NKAIN2: variants seen among roughly 807,000 people sequenced by gnomAD.
NKAIN2 encodes sodium/potassium-transporting ATPase subunit beta-1-interacting protein 2.
In NKAIN2, 14 loss-of-function variants were observed where a neutral mutation model predicts 32.6. The observed-to-expected ratio is 0.43, with a 90% confidence interval of 0.28 to 0.67. The LOEUF (loss-of-function observed/expected upper bound fraction) is 0.67, where lower values mean the gene tolerates loss of function less well. Ranked by LOEUF, NKAIN2 falls within the 30% of genes least tolerant of loss-of-function variation. NKAIN2 has a pLI of 0.17. For synonymous variants in NKAIN2, 80 were observed against 87.2 expected (o/e 0.92, Z 0.46); for missense variants, 198 against 258.3 (o/e 0.77, Z 1.60).
chr6:123,995,618 T>C (rs986819405), intron 1 of NKAIN2, among the ~76,000 whole-genome samples: 1 of 152,186 alleles, frequency 6.6e-6, no homozygotes, highest in Non-Finnish European at 1.5e-5. Context: ...GATGAATTGG[T>C]CTTTTTAAAA....
At chr6:124,335,440 T>C (rs938404344) in intron 2 of NKAIN2, among the ~76,000 whole-genome samples, 1 of 152,166 alleles carries the variant, frequency 6.6e-6, no homozygotes, top group African/African-American at 2.4e-5. Flanking sequence ...TAAGATAATT[T>C]ACATATTTTA....
intron 1 of NKAIN2, among the ~76,000 whole-genome samples, chr6:124,028,913 GTATATATA>G (rs1319985613): frequency 0.013 from 183 of 13,828 alleles, no homozygotes; most frequent in African/African-American, 0.054. Flanking sequence ...ACACATATAT[GTATATATA>G]TGTGTATATA....
At chr6:124,169,971 G>T (rs942005482) in intron 1 of NKAIN2, among the ~76,000 whole-genome samples, 2 of 152,200 alleles carry the variant, frequency 1.3e-5, no homozygotes, top group African/African-American at 2.4e-5. Flanking sequence ...GAACTTTGGG[G>T]TTTTTATTAA....
chr6:124,545,970 T>A (rs1162112728), intron 3 of NKAIN2, among the ~76,000 whole-genome samples: 1 of 152,080 alleles, frequency 6.6e-6, no homozygotes, highest in Non-Finnish European at 1.5e-5. Flanking sequence ...CTGCTTCAAC[T>A]TTTTTAATGT....
chr6:124,676,658 G>A (rs1305680743), intron 4 of NKAIN2, among the ~76,000 whole-genome samples: 1 of 151,952 alleles, frequency 6.6e-6, no homozygotes, highest in African/African-American at 2.4e-5. Flanking sequence ...AGAATGCAGT[G>A]GCACAATCAT....
intron 3 of NKAIN2, among the ~76,000 whole-genome samples, chr6:124,608,247 C>T (rs1466175390): frequency 6.6e-6 from 1 of 152,128 alleles, no homozygotes; most frequent in African/African-American, 2.4e-5. Context: ...AATCTGTATG[C>T]TCTTTTAGGG....
chr6:124,563,476 T>A (rs1425158194), intron 3 of NKAIN2, among the ~76,000 whole-genome samples: 1 of 152,204 alleles, frequency 6.6e-6, no homozygotes, highest in African/African-American at 2.4e-5. Flanking sequence ...CTTCTCAGAT[T>A]GCTTTCTTTT....
intron 3 of NKAIN2, among the ~76,000 whole-genome samples, chr6:124,463,972 C>CTTTGT (rs962806367): frequency 1.3e-5 from 2 of 151,890 alleles, no homozygotes; most frequent in Admixed American, 6.6e-5. Flanking sequence ...TTGAATGGCA[C>CTTTGT]TTTGTTTTGT....
intron 2 of NKAIN2, among the ~76,000 whole-genome samples, chr6:124,311,101 T>G (rs544283260): frequency 5.0e-4 from 76 of 152,162 alleles, no homozygotes; most frequent in Non-Finnish European, 7.2e-4. Context: ...CATCAACTTA[T>G]TAGGAGAGAT....
chr6:124,412,621 G>A (rs62436315), intron 3 of NKAIN2, among the ~76,000 whole-genome samples: 6,830 of 152,206 alleles, frequency 0.045, 257 homozygotes, highest in Non-Finnish European at 0.065. Context: ...CTCAGGGGTC[G>A]GGGACCCACT....
At chr6:124,190,246 T>G (rs1409738116) in intron 1 of NKAIN2, among the ~76,000 whole-genome samples, 2 of 152,214 alleles carry the variant, frequency 1.3e-5, no homozygotes, top group East Asian at 3.8e-4. Context: ...GTTTAATTAT[T>G]AGATATTACA....
intron 1 of NKAIN2, among the ~76,000 whole-genome samples, chr6:123,915,683 A>G (rs963279792): frequency 6.6e-6 from 1 of 152,188 alleles, no homozygotes; most frequent in Non-Finnish European, 1.5e-5. Flanking sequence ...AAATTGATCT[A>G]TAAGTTGTAG....
At chr6:123,871,197 T>C (rs1772854140) in intron 1 of NKAIN2, among the ~76,000 whole-genome samples, 1 of 152,234 alleles carries the variant, frequency 6.6e-6, no homozygotes, top group Non-Finnish European at 1.5e-5. Flanking sequence ...GTTGTGACTA[T>C]AAAGTACTCT....
At chr6:123,975,637 G>C (rs1778530079) in intron 1 of NKAIN2, among the ~76,000 whole-genome samples, 1 of 152,104 alleles carries the variant, frequency 6.6e-6, no homozygotes, top group African/African-American at 2.4e-5. Flanking sequence ...GGCAATCGTA[G>C]ATTGAGTGTC....
intron 1 of NKAIN2, among the ~76,000 whole-genome samples, chr6:124,093,164 T>C (rs926111872): frequency 6.6e-6 from 1 of 152,080 alleles, no homozygotes; most frequent in African/African-American, 2.4e-5. Flanking sequence ...TCAAGTTTGA[T>C]TTGGTGTATA....
At chr6:124,459,632 G>A (rs973187861) in intron 3 of NKAIN2, among the ~76,000 whole-genome samples, 8 of 151,762 alleles carry the variant, frequency 5.3e-5, no homozygotes, top group African/African-American at 1.9e-4. Flanking sequence ...TAATTCTGAT[G>A]AGAGAAGAAT....
intron 4 of NKAIN2, among the ~76,000 whole-genome samples, chr6:124,765,678 C>G (rs1778480510): frequency 6.6e-6 from 1 of 152,220 alleles, no homozygotes; most frequent in South Asian, 2.1e-4. Context: ...TCTTCCCCAG[C>G]CCCCTTGGTA....
At chr6:124,044,736 C>T (rs941650791) in intron 1 of NKAIN2, among the ~76,000 whole-genome samples, 2 of 152,024 alleles carry the variant, frequency 1.3e-5, no homozygotes, top group Admixed American at 1.3e-4. Context: ...CTTTGCAGGT[C>T]AATTGCTTTG....
In NKAIN2 at chr6:124,658,213, A is replaced by T; in HGVS notation, c.301A>T (p.Ile101Leu). ...AACAGACCTTATCCTGACTTTTAATATATCAATGCACCGATCTTGGTGGAT... is the reference window on the plus strand; with the variant it reads ...AACAGACCTTATCCTGACTTTTAATTTATCAATGCACCGATCTTGGTGGAT... ...KETDLILTFN[I>L]SMHRSWWMEN... is the part of the protein sequence containing the mutation. Residue 101 changes from isoleucine to leucine, a missense_variant, in exon 4 of 7, where the codon ATA (isoleucine) becomes TTA (leucine). Transcript: ENST00000368417. 6.2e-7 allele frequency: 1 copy of T among 1,609,938 alleles called. No homozygotes were observed. Among genetic ancestry groups the T allele is most frequent in the East Asian group, 2.2e-5 (1 of 44,816 alleles).
Sources: gnomAD v4.1 joint callset for allele counts (sites outside exome capture counted in the v4.1 genomes callset) on GRCh38, gnomAD v4.1.1 for gene constraint, MANE v1.5 for transcripts, NCBI Gene and HGNC (gene_info 2026-07-23, HGNC 2026-07-21) for gene names.